POLB: variants seen among roughly 807,000 people sequenced by gnomAD.
The protein encoded by POLB is 5'-dRP lyase.
Under a neutral mutation model 52.7 loss-of-function variants are expected in POLB, and 37 were observed. The observed-to-expected ratio is 0.70, with a 90% CI of 0.54 to 0.92. The LOEUF is 0.92. Among genes scored for constraint, POLB ranks in the 40% least tolerant of loss-of-function variants. The pLI, the probability that POLB is intolerant of heterozygous loss-of-function variation, is 0.00. For missense variants in POLB, 313 were observed against 400.8 expected (o/e 0.78, Z 1.87); for synonymous variants, 138 against 131.3 (o/e 1.05, Z -0.35).
At chr8:42,361,716 CT>C (rs1585908184) in intron 10 of POLB, 1 of 181,254 alleles carries the variant, frequency 5.5e-6, no homozygotes, top group East Asian at 1.6e-4. Context: ...ATTAGAAAAC[CT>C]GTGAAGGCAA....
chr8:42,345,172 A>G (rs1011104416), intron 3 of POLB, among the ~76,000 whole-genome samples, 153 bp downstream of exon 3: 1 of 152,196 alleles, frequency 6.6e-6, no homozygotes, highest in African/African-American at 2.4e-5. Context: ...ATGCTGTTTC[A>G]TACACACTTT....
chr8:42,368,082 G>C (rs1368869952), intron 11 of POLB, among the ~76,000 whole-genome samples: 1 of 152,128 alleles, frequency 6.6e-6, no homozygotes, highest in African/African-American at 2.4e-5. Flanking sequence ...TTTAATATTA[G>C]CACTTCAGAA....
chr8:42,361,047 C>A, intron 9 of POLB: 1 of 625,926 alleles, frequency 1.6e-6, no homozygotes, highest in Non-Finnish European at 2.9e-6. Context: ...ATTAAATTAA[C>A]TCGTTGTATG....
intron 3 of POLB, among the ~76,000 whole-genome samples, chr8:42,346,145 C>G (rs1411657529): frequency 1.3e-5 from 2 of 152,070 alleles, no homozygotes; most frequent in African/African-American, 2.4e-5. Context: ...TGGTCTCAAA[C>G]TCCTGACTTC....
intron 1 of POLB, 103 bp downstream of exon 1, chr8:42,338,788 C>T: frequency 8.1e-7 from 1 of 1,236,556 alleles, no homozygotes; most frequent in Non-Finnish European, 1.2e-6. Flanking sequence ...AGGGTAGGTT[C>T]CTTGCAGCGG....
At chr8:42,361,005 A>G in intron 9 of POLB, 1 of 530,332 alleles carries the variant, frequency 1.9e-6, no homozygotes, top group Non-Finnish European at 3.5e-6. Context: ...TTTATTCATT[A>G]TTGAGTAGTT....
chr8:42,361,778 C>T (rs1431729358), intron 10 of POLB: 1 of 141,690 alleles, frequency 7.1e-6, no homozygotes, highest in Non-Finnish European at 1.4e-5. Context: ...ACAGCTGACT[C>T]TTTGATTGCT....
At chr8:42,347,403 T>A (rs867577938) in intron 3 of POLB, among the ~76,000 whole-genome samples, 12 of 144,810 alleles carry the variant, frequency 8.3e-5, no homozygotes, top group African/African-American at 3.0e-4. Context: ...TCCTCAGTAA[T>A]TCTAGAAATT....
chr8:42,353,187 T>G (rs1823085113), intron 6 of POLB, among the ~76,000 whole-genome samples: 1 of 151,018 alleles, frequency 6.6e-6, no homozygotes, highest in African/African-American at 2.4e-5. Context: ...TTTTTTTTTT[T>G]TTGCTCTGCC....
intron 6 of POLB, 150 bp downstream of exon 6, chr8:42,352,718 T>C (rs1585888649): frequency 1.8e-5 from 11 of 602,302 alleles, no homozygotes; most frequent in Admixed American, 1.1e-4. Flanking sequence ...ACAGTAGATA[T>C]AGGGTATAGT....
intron 2 of POLB, among the ~76,000 whole-genome samples, chr8:42,340,640 T>C (rs1334269870): frequency 6.6e-6 from 1 of 152,242 alleles, no homozygotes; most frequent in Non-Finnish European, 1.5e-5. Context: ...AATCTTGCCA[T>C]TCTTGACTTT....
chr8:42,349,474 C>T (rs542708742), intron 4 of POLB, among the ~76,000 whole-genome samples: 8 of 152,212 alleles, frequency 5.3e-5, no homozygotes, highest in South Asian at 2.1e-4. Flanking sequence ...CTGCAAGCTC[C>T]GCCTCCTGGG....
chr8:42,363,190 TAGGA>T lies in POLB; in HGVS notation c.708+494_708+497del, dbSNP rs547205025. Among the ~76,000 whole-genome samples, 350 of 151,882 alleles carry T rather than the reference TAGGA, an allele frequency of 2.3e-3. 1 individual carries two copies. The highest frequency in any genetic ancestry group is 7.9e-3 in the African/African-American group (328 of 41,460). ...TCTCATAGCTACTCTCAGAATATTTTAGGAAAGAATTTTCTTTTAATTCTCCACT... is the reference window on the plus strand; with the variant it reads ...TCTCATAGCTACTCTCAGAATATTTTAAGAATTTTCTTTTAATTCTCCACT... On this transcript the variant is annotated intron_variant, in intron 11 of 13. Coordinates refer to ENST00000265421, the MANE Select transcript of POLB (RefSeq NM_002690.3).
intron 11 of POLB, among the ~76,000 whole-genome samples, chr8:42,364,134 C>T (rs1823897547): frequency 2.0e-5 from 3 of 152,118 alleles, no homozygotes; most frequent in Admixed American, 2.0e-4. Flanking sequence ...ACCATGTTGG[C>T]TGGGCTGGTC....
intron 13 of POLB, 168 bp downstream of exon 13, chr8:42,370,156 T>C (rs1754087214): frequency 1.4e-6 from 1 of 689,662 alleles, no homozygotes; most frequent in East Asian, 2.8e-5. Flanking sequence ...AACATGCTCC[T>C]AGGCCCTCAG....
At chr8:42,362,209 G>A (rs894770607) in intron 10 of POLB, among the ~76,000 whole-genome samples, 1 of 151,872 alleles carries the variant, frequency 6.6e-6, no homozygotes, top group African/African-American at 2.4e-5. Flanking sequence ...GCAGTGAGCC[G>A]AGATCGTGCC....
At chr8:42,362,773 T>C in intron 11 of POLB, 75 bp downstream of exon 11, 1 of 750,902 alleles carries the variant, frequency 1.3e-6, no homozygotes, top group Non-Finnish European at 2.3e-6. Context: ...AGTGTGTGAC[T>C]TCATGGTAGC....
intron 3 of POLB, among the ~76,000 whole-genome samples, chr8:42,347,052 A>G (rs1415465764): frequency 6.6e-6 from 1 of 152,060 alleles, no homozygotes; most frequent in Non-Finnish European, 1.5e-5. Flanking sequence ...GTTTATTGCA[A>G]ATAGCCTGCT....
intron 2 of POLB, chr8:42,341,770 G>C: frequency 2.3e-6 from 1 of 443,128 alleles, no homozygotes; most frequent in Non-Finnish European, 4.3e-6. Flanking sequence ...GTTTGGTTTA[G>C]CTCTCTGCAG....
Sources: gnomAD v4.1 joint callset for allele counts (sites outside exome capture counted in the v4.1 genomes callset) on GRCh38, gnomAD v4.1.1 for gene constraint, MANE v1.5 for transcripts, NCBI Gene and HGNC (gene_info 2026-07-23, HGNC 2026-07-21) for gene names.